The following PAQR8 variants were observed in gnomAD, a reference collection of about 807,000 sequenced individuals.
The protein encoded by PAQR8 is membrane progestin receptor beta.
Under a neutral mutation model 25.2 loss-of-function variants are expected in PAQR8, and 17 were observed. The ratio of observed to expected loss-of-function variants is 0.67; its 90% CI spans 0.46 to 1.01. The LOEUF (loss-of-function observed/expected upper bound fraction) is 1.01. Among genes scored for constraint, PAQR8 ranks in the 50% least tolerant of loss-of-function variants. The pLI, the probability that PAQR8 is intolerant of heterozygous loss-of-function variation, is 0.00. For synonymous variants in PAQR8, 204 were observed against 190.6 expected (o/e 1.07, Z -0.58); for missense variants, 392 against 448.4 (o/e 0.87, Z 1.14).
At chr6:52,383,821 G>A (rs933639747) in intron 1 of PAQR8, among the ~76,000 whole-genome samples, 1 of 152,150 alleles carries the variant, frequency 6.6e-6, no homozygotes, top group Non-Finnish European at 1.5e-5. Context: ...AGGCTTTGAC[G>A]GTCAGGCTCA....
intron 1 of PAQR8, among the ~76,000 whole-genome samples, chr6:52,395,092 C>T (rs772583906): frequency 2.0e-4 from 31 of 151,918 alleles, no homozygotes; most frequent in Non-Finnish European, 2.8e-4. Context: ...TATGGTAAAA[C>T]TCTGTCTCTA....
At chr6:52,370,594 G>C (rs1763407232) in intron 1 of PAQR8, among the ~76,000 whole-genome samples, 1 of 152,176 alleles carries the variant, frequency 6.6e-6, no homozygotes, top group Non-Finnish European at 1.5e-5. Flanking sequence ...GGTAAAGTCA[G>C]TGGGAGCTCT....
chr6:52,403,780 A>AT lies in PAQR8; in HGVS notation c.568dup (p.Ser190PhefsTer69). On this transcript the variant is annotated frameshift_variant, in exon 2 of 2. Transcript: ENST00000442253. LOFTEE classifies it high-confidence loss of function. ...CAGCAGCTGCCTTCTGTGGCTGGTT[A>AT]TCTTGTGCTGGCTGTTGCTATGCCA... 1 of 1,614,184 alleles carries AT rather than the reference A, an allele frequency of 6.2e-7. No homozygotes were observed. The highest frequency in any genetic ancestry group is 8.5e-7 in the Non-Finnish European group (1 of 1,180,024).
Position 52,403,193 on chromosome 6 carries a change from G to C in PAQR8, c.-21G>C. On this transcript the variant is annotated 5_prime_UTR_variant, in exon 2 of 2. Transcript: ENST00000442253. ...TACCCTGTCCTGAGGGCGCGGCACG[G>C]AGTGCATGCGGGCCGCTGCCATGAC... 1 of 1,581,246 alleles carries C rather than the reference G, an allele frequency of 6.3e-7. No individual in the cohort carries two copies. The highest frequency in any genetic ancestry group is 8.6e-7 in the Non-Finnish European group (1 of 1,159,150).
At position 52,404,899 on chromosome 6, in the gene PAQR8, T is replaced by G. The variant is rs1230499264; in HGVS notation, c.*621T>G. 6.0e-6 allele frequency: 1 copy of G among 167,386 alleles called. No individual in the cohort carries two copies. Among genetic ancestry groups the G allele is most frequent in the Non-Finnish European group, 1.5e-5 (1 of 68,492 alleles). 10.4% of individuals were successfully genotyped at this position (167,386 alleles called of 1,614,324 possible). A position where few individuals can be genotyped will look rare whatever the true frequency, so the allele number is the denominator to read the frequency against. The stretch of plus-strand genomic sequence containing the variant: ...CAGTTTTCTCTGACGTGCTGTTCAC[T>G]CACATCCCTACCTTGCATGGTAATA... On this transcript the variant is annotated 3_prime_UTR_variant, in exon 2 of 2. Coordinates refer to ENST00000442253, the MANE Select transcript of PAQR8 (RefSeq NM_133367.5).
rs773837085 is a variant in PAQR8, at chr6:52,404,113, C to T, written c.900C>T (p.Ile300=). The change falls in exon 2 of 2, where the codon ATC becomes ATT. Residue 300 remains isoleucine, a synonymous_variant. Coordinates refer to ENST00000442253, the MANE Select transcript of PAQR8 (RefSeq NM_133367.5). ...GTACGCTCTCCCAGCTGGAGGCCAT[C>T]CTCCTGGACTACCAGGGGCGGCAGG... ...SICTLSQLEA[I]LLDYQGRQEI... 5 of 1,614,148 alleles carry T rather than the reference C, an allele frequency of 3.1e-6. No homozygotes were observed. The Admixed American group carries it at 5.0e-5, about 16-fold the overall frequency.
At chr6:52,394,181 C>T (rs905390218) in intron 1 of PAQR8, among the ~76,000 whole-genome samples, 1 of 152,148 alleles carries the variant, frequency 6.6e-6, no homozygotes, top group African/African-American at 2.4e-5. Context: ...TGCAGTGACA[C>T]GGTTACACCT....
chr6:52,395,272 C>CAAAAAAAA (rs34239055), intron 1 of PAQR8, among the ~76,000 whole-genome samples: 1 of 93,432 alleles, frequency 1.1e-5, no homozygotes, highest in South Asian at 3.8e-4. Context: ...GACTTCGTCT[C>CAAAAAAAA]AAAAAAAAAA....
At chr6:52,384,459 A>T (rs1278680063) in intron 1 of PAQR8, among the ~76,000 whole-genome samples, 5 of 152,022 alleles carry the variant, frequency 3.3e-5, no homozygotes, top group Non-Finnish European at 7.4e-5. Flanking sequence ...TTGGGTTTGT[A>T]TTGGGATGGC....
Position 52,394,405 on chromosome 6 carries a change from C to T in PAQR8, c.-52-8757C>T, listed in dbSNP as rs138859443. ...AGGTAGTTTCCATCAGTCAGAACTA[C>T]GAAAACAAAACCAAACCTTAAGAAT... On this transcript the variant is annotated intron_variant, in intron 1 of 1. Transcript: ENST00000442253. Among the ~76,000 whole-genome samples the T allele has an allele frequency of 2.3e-3, 356 of 152,258 alleles. 2 individuals are homozygous for T. Among genetic ancestry groups the T allele is most frequent in the African/African-American group, 7.9e-3 (330 of 41,524 alleles).
In PAQR8 at chr6:52,405,849, G is replaced by C. The variant is rs1763901448; in HGVS notation, c.*1571G>C. ...GTAGAATTTTCTGTTCTGGGTTATTGGGATAAGAAAAAATATATATTGCTC... is the reference window on the plus strand; with the variant it reads ...GTAGAATTTTCTGTTCTGGGTTATTCGGATAAGAAAAAATATATATTGCTC... On this transcript the variant is annotated 3_prime_UTR_variant, in exon 2 of 2. Transcript: ENST00000442253. 2 of 166,904 alleles carry C rather than the reference G, an allele frequency of 1.2e-5. No individual in the cohort carries two copies. The highest frequency in any genetic ancestry group is 4.8e-5 in the African/African-American group (2 of 41,414). 10.3% of individuals were successfully genotyped at this position (166,904 alleles called of 1,614,324 possible).
intron 1 of PAQR8, among the ~76,000 whole-genome samples, chr6:52,369,804 CTT>C (rs1285584895): frequency 6.6e-6 from 1 of 152,154 alleles, no homozygotes; most frequent in Non-Finnish European, 1.5e-5. Flanking sequence ...CCCATCTTAG[CTT>C]TTTTATTCCT....
chr6:52,407,226 A>G lies in PAQR8; in HGVS notation c.*2948A>G, dbSNP rs1316915243. 1.2e-5 allele frequency: 2 copies of G among 167,102 alleles called. No homozygotes were observed. The highest frequency in any genetic ancestry group is 4.8e-5 in the African/African-American group (2 of 41,456). 10.4% of individuals were successfully genotyped at this position (167,102 alleles called of 1,614,324 possible). A position where few individuals can be genotyped will look rare whatever the true frequency, so the allele number is the denominator to read the frequency against. ...CTTTGAAAAAACTAAACTATCAGTC[A>G]TTTACATCCTCTCATGAATGAAATG... is the stretch of plus-strand genomic sequence containing the variant. On this transcript the variant is annotated 3_prime_UTR_variant, in exon 2 of 2. Coordinates refer to ENST00000442253, the MANE Select transcript of PAQR8 (RefSeq NM_133367.5).
rs144944896 is a variant in PAQR8 at position 52,377,816 on chromosome 6, A to ATC, written c.-53+15569_-53+15570dup. 6.6e-3 allele frequency among the ~76,000 whole-genome samples: 1,008 copies of ATC among 152,038 alleles called. 12 individuals carry two copies. Among genetic ancestry groups the ATC allele is most frequent in the African/African-American group, 0.023 (960 of 41,482 alleles). On this transcript the variant is annotated intron_variant, in intron 1 of 1. Coordinates refer to ENST00000442253, the MANE Select transcript of PAQR8 (RefSeq NM_133367.5). ...CTAGGCTTACCATAGACACAGTCCT[A>ATC]TCTTCTTCGCATTGGTATCTCTATT...
chr6:52,390,647 G>A (rs1304012609), intron 1 of PAQR8, among the ~76,000 whole-genome samples: 1 of 152,178 alleles, frequency 6.6e-6, no homozygotes, highest in Admixed American at 6.5e-5. Context: ...TGACAATATT[G>A]TGTATACTGG....
chr6:52,367,647 G>A (rs1763368736), intron 1 of PAQR8, among the ~76,000 whole-genome samples: 1 of 152,200 alleles, frequency 6.6e-6, no homozygotes, highest in Admixed American at 6.5e-5. Context: ...GGTACCTTCT[G>A]CATTTTGTCC....
intron 1 of PAQR8, among the ~76,000 whole-genome samples, chr6:52,400,997 T>C (rs1220605265): frequency 6.6e-6 from 1 of 152,222 alleles, no homozygotes; most frequent in Non-Finnish European, 1.5e-5. Flanking sequence ...TTAGACCCTC[T>C]CATTTAACTA....
chr6:52,404,008 C>G lies in PAQR8; in HGVS notation c.795C>G (p.Pro265=), dbSNP rs751244572. 8 of 1,614,086 alleles carry G rather than the reference C, an allele frequency of 5.0e-6. No homozygotes were observed. The highest frequency in any genetic ancestry group is 2.7e-5 in the African/African-American group (2 of 74,928). ...TTAGCGCTTATTTCTTCTCCTGCCC[C>G]GTGCCTGAGAAGTACTTCCCGGGTT... ...FLVSAYFFSC[P]VPEKYFPGSC... The change falls in exon 2 of 2, where the codon CCC becomes CCG. Residue 265 remains proline (P), a synonymous_variant. Transcript: ENST00000442253.
rs146498770 is a variant in PAQR8 at position 52,371,281 on chromosome 6, A to G, written c.-53+9032A>G. 8.2e-4 allele frequency among the ~76,000 whole-genome samples: 125 copies of G among 152,276 alleles called. No individual in the cohort carries two copies. In the South Asian group the frequency reaches 0.018, roughly 22 times the overall value. ...TCTTTGCTAATGGAGTTCCAGCTTTATTATATGCTCATCTTGTCCAGTGAC... is the reference window on the plus strand; with the variant it reads ...TCTTTGCTAATGGAGTTCCAGCTTTGTTATATGCTCATCTTGTCCAGTGAC... On this transcript the variant is annotated intron_variant, in intron 1 of 1. Transcript: ENST00000442253.
Sources: gnomAD v4.1 joint callset for allele counts (sites outside exome capture counted in the v4.1 genomes callset) on GRCh38, gnomAD v4.1.1 for gene constraint, MANE v1.5 for transcripts, NCBI Gene and HGNC (gene_info 2026-07-23, HGNC 2026-07-21) for gene names.